RPF2: variants seen among roughly 807,000 people sequenced by gnomAD.
RPF2 encodes the protein brix domain containing 1.
In RPF2, 21 loss-of-function variants were observed where a neutral mutation model predicts 38.9. The ratio of observed to expected loss-of-function variants is 0.54; its 90% CI spans 0.38 to 0.78. The LOEUF (loss-of-function observed/expected upper bound fraction) is 0.78. RPF2 is among the 30% of genes least tolerant of loss of function. The pLI is 0.00. For synonymous variants in RPF2, 121 were observed against 126.2 expected (o/e 0.96, Z 0.28); for missense variants, 314 against 358.1 (o/e 0.88, Z 0.99).
intron 8 of RPF2, among the ~76,000 whole-genome samples, chr6:111,016,148 C>T (rs926741531): frequency 1.3e-5 from 2 of 152,172 alleles, no homozygotes; most frequent in African/African-American, 4.8e-5. Context: ...ATTTACAGCA[C>T]TAAGCCACAA....
chr6:111,009,133 G>C (rs1771968921), intron 7 of RPF2, among the ~76,000 whole-genome samples: 1 of 152,076 alleles, frequency 6.6e-6, no homozygotes, highest in African/African-American at 2.4e-5. Flanking sequence ...TCGGCTCACT[G>C]CAAGCTCCAC....
chr6:111,000,197 C>T (rs1312499871), intron 6 of RPF2, among the ~76,000 whole-genome samples: 1 of 152,134 alleles, frequency 6.6e-6, no homozygotes, highest in Non-Finnish European at 1.5e-5. Flanking sequence ...CCTTGACCTC[C>T]TGGGCTCAAG....
chr6:111,009,703 G>C (rs576651984), intron 7 of RPF2, among the ~76,000 whole-genome samples: 1 of 151,976 alleles, frequency 6.6e-6, no homozygotes, highest in Non-Finnish European at 1.5e-5. Flanking sequence ...GAGGCAAGTC[G>C]TGTTCTGATG....
intron 8 of RPF2, among the ~76,000 whole-genome samples, chr6:111,022,744 T>G (rs770547199): frequency 6.6e-6 from 1 of 152,256 alleles, no homozygotes; most frequent in Non-Finnish European, 1.5e-5. Context: ...AAGGTGCTTT[T>G]GGCAGTGTAT....
chr6:111,018,578 C>T (rs1364831522), intron 8 of RPF2, among the ~76,000 whole-genome samples: 1 of 152,200 alleles, frequency 6.6e-6, no homozygotes, highest in African/African-American at 2.4e-5. Flanking sequence ...CCAAATGAAA[C>T]TTAAATATTC....
intron 8 of RPF2, among the ~76,000 whole-genome samples, chr6:111,018,220 A>T (rs112913531): frequency 7.0e-6 from 1 of 143,144 alleles, no homozygotes; most frequent in African/African-American, 2.7e-5. Context: ...AGGGGGAGGG[A>T]GAGGGAGAGG....
At chr6:111,021,172 AAATAAAAAT>A (rs1214690141) in intron 8 of RPF2, among the ~76,000 whole-genome samples, 1 of 152,112 alleles carries the variant, frequency 6.6e-6, no homozygotes, top group African/African-American at 2.4e-5. Context: ...TGTCTCAAAA[AAATAAAAAT>A]AAAAACAAAA....
At chr6:111,002,137 A>G (rs1369641080) in intron 6 of RPF2, among the ~76,000 whole-genome samples, 1 of 152,100 alleles carries the variant, frequency 6.6e-6, no homozygotes, top group Non-Finnish European at 1.5e-5. Context: ...AAAATTAGCC[A>G]GGCATGGTGG....
At chr6:111,000,547 A>T (rs1331935964) in intron 6 of RPF2, among the ~76,000 whole-genome samples, 1 of 152,190 alleles carries the variant, frequency 6.6e-6, no homozygotes, top group East Asian at 1.9e-4. Flanking sequence ...GGGGAGTTGC[A>T]TCTTTGTTTT....
At chr6:111,020,129 A>C (rs926224771) in intron 8 of RPF2, among the ~76,000 whole-genome samples, 1 of 152,152 alleles carries the variant, frequency 6.6e-6, no homozygotes, top group African/African-American at 2.4e-5. Context: ...CATGTTAGTC[A>C]GGATGGTCTC....
chr6:110,991,134 C>CT (rs976089672), intron 3 of RPF2, among the ~76,000 whole-genome samples: 6 of 151,964 alleles, frequency 3.9e-5, no homozygotes, highest in African/African-American at 1.5e-4. Context: ...CTCCTGTATC[C>CT]TTTTTTTAAA....
chr6:110,993,155 A>G (rs1305830354), intron 4 of RPF2, among the ~76,000 whole-genome samples: 1 of 152,044 alleles, frequency 6.6e-6, no homozygotes, highest in Non-Finnish European at 1.5e-5. Context: ...ATGTTGCCCA[A>G]TCTGGTTTTA....
intron 9 of RPF2, among the ~76,000 whole-genome samples, chr6:111,024,949 G>A (rs1772297756): frequency 6.6e-6 from 1 of 151,998 alleles, no homozygotes; most frequent in Admixed American, 6.6e-5. Flanking sequence ...TAGAGTACAG[G>A]GTATATAAAC....
chr6:110,994,771 G>A (rs930546654), intron 4 of RPF2, among the ~76,000 whole-genome samples: 56 of 92,364 alleles, frequency 6.1e-4, no homozygotes, highest in African/African-American at 2.6e-3. Context: ...ACACACACAC[G>A]AGTATGTATG....
At chr6:110,997,053 C>A in intron 4 of RPF2, 130 bp from the exon 5 acceptor site, 1 of 640,684 alleles carries the variant, frequency 1.6e-6, no homozygotes. Context: ...CAACTCGCCT[C>A]GGCGTCCCAA....
chr6:111,024,978 G>C (rs1772298370), intron 9 of RPF2, among the ~76,000 whole-genome samples: 1 of 152,142 alleles, frequency 6.6e-6, no homozygotes, highest in African/African-American at 2.4e-5. Flanking sequence ...CATAAAATGT[G>C]TTTTGACTTT....
At chr6:110,998,113 C>A (rs985255683) in intron 5 of RPF2, among the ~76,000 whole-genome samples, 3 of 152,130 alleles carry the variant, frequency 2.0e-5, no homozygotes, top group Admixed American at 1.3e-4. Flanking sequence ...CCATGTTGGC[C>A]AGGCTGGTCT....
In RPF2 at chr6:111,006,877, C is replaced by T. The variant is rs868560461; in HGVS notation, c.394-1161C>T. On this transcript the variant is annotated intron_variant, in intron 6 of 9. Transcript: ENST00000441448. Reference sequence around the variant, plus strand: ...TCACCTGAGGTCGGGAGTTCGAGACCGGCCTGACCAACATGGAGAAACCCC... The same window carrying T: ...TCACCTGAGGTCGGGAGTTCGAGACTGGCCTGACCAACATGGAGAAACCCC... Among the ~76,000 whole-genome samples, 20 of 152,194 alleles carry T rather than the reference C, an allele frequency of 1.3e-4. 1 individual carries two copies. The Middle Eastern group carries it at 0.027, about 207-fold the overall frequency.
rs144025648 is a variant in RPF2, at chr6:110,989,990, G to A, written c.194+925G>A. On this transcript the variant is annotated intron_variant, in intron 3 of 9. Transcript: ENST00000441448. ...TTTCACTCTTGTTGCCCAGGCTGGA[G>A]TGCAGTGGCATGATCTAAGGTCACT... 5.8e-3 allele frequency among the ~76,000 whole-genome samples: 864 copies of A among 149,424 alleles called. 2 individuals are homozygous for A. The highest frequency in any genetic ancestry group is 9.7e-3 in the Non-Finnish European group (657 of 67,694).
Sources: allele counts gnomAD v4.1 joint callset (sites outside exome capture counted in the v4.1 genomes callset), GRCh38; gene constraint gnomAD v4.1.1; transcripts MANE v1.5; gene names NCBI Gene and HGNC (gene_info 2026-07-23, HGNC 2026-07-21).